AGO2: variants seen among roughly 807,000 people sequenced by gnomAD.
AGO2 encodes protein argonaute-2.
In AGO2, 5 loss-of-function variants were observed where a neutral mutation model predicts 102.3. The ratio of observed to expected loss-of-function variants is 0.05; its 90% CI spans 0.03 to 0.10. The LOEUF is 0.10. Among genes scored for constraint, AGO2 ranks in the 10% least tolerant of loss-of-function variants. The probability of loss-of-function intolerance (pLI) is 1.00; values close to 1 mark genes in which losing one functional copy is unlikely to be tolerated. For missense variants in AGO2, 541 were observed against 1,183.7 expected, an observed-to-expected ratio of 0.46 and a Z score of 7.97; for synonymous variants, 449 against 473.1, an observed-to-expected ratio of 0.95 and a Z score of 0.66.
Position 140,539,588 on chromosome 8 carries a change from G to T in AGO2, c.2035-134C>A. ...AGACAATGAGTGTGTTCACGGGGAGGTGAAAACACGGGGGCAGAAACCATC... is the reference window on the plus strand; with the variant it reads ...AGACAATGAGTGTGTTCACGGGGAGTTGAAAACACGGGGGCAGAAACCATC... On this transcript the variant is annotated intron_variant, in intron 15 of 18. Coordinates refer to ENST00000220592, the MANE Select transcript of AGO2 (RefSeq NM_012154.5). This position sits in a 1 kb window ranked among gnomAD's most constrained non-coding sequence, Gnocchi z 4.7. 9.4e-7 allele frequency: 1 copy of T among 1,066,286 alleles called. No individual in the cohort carries two copies. Among genetic ancestry groups the T allele is most frequent in the Non-Finnish European group, 1.3e-6 (1 of 748,900 alleles). The allele number at this position is 1,066,286 out of a possible 1,614,324, so 66.1% of individuals were successfully genotyped here.
intron 3 of AGO2, among the ~76,000 whole-genome samples, chr8:140,563,054 G>A (rs772064077): frequency 2.6e-5 from 4 of 152,104 alleles, no homozygotes; most frequent in East Asian, 1.9e-4. Flanking sequence ...CAGTTGAATC[G>A]CGATCTGGCC....
At position 140,522,162 on chromosome 8, in the gene AGO2, T is replaced by C. The variant is rs1473832720; in HGVS notation, c.*9882A>G. The C allele has an allele frequency of 6.6e-6, 1 of 152,142 alleles. No individual in the cohort carries two copies. The highest frequency in any genetic ancestry group is 1.5e-5 in the Non-Finnish European group (1 of 68,020). The allele number at this position is 152,142 out of a possible 1,614,324, so 9.4% of individuals were successfully genotyped here. On this transcript the variant is annotated 3_prime_UTR_variant, in exon 19 of 19. Coordinates refer to ENST00000220592, the MANE Select transcript of AGO2 (RefSeq NM_012154.5). ...TTCATACTGAATTTTTTCAATGCATTGGGGTTCAACATAAAAGGCACAAAT... is the reference window on the plus strand; with the variant it reads ...TTCATACTGAATTTTTTCAATGCATCGGGGTTCAACATAAAAGGCACAAAT...
intron 2 of AGO2, among the ~76,000 whole-genome samples, chr8:140,581,511 C>T (rs958116416): frequency 2.2e-4 from 34 of 152,090 alleles, no homozygotes; most frequent in African/African-American, 8.2e-4. Flanking sequence ...AGAGCAAGAT[C>T]CTGTCTCTAA....
intron 1 of AGO2, chr8:140,592,837 A>T (rs2073763481): frequency 6.6e-6 from 1 of 151,954 alleles, no homozygotes; most frequent in South Asian, 2.1e-4. Flanking sequence ...CATCAACATT[A>T]CTCCAGTACA....
intron 1 of AGO2, among the ~76,000 whole-genome samples, chr8:140,609,912 G>A (rs868220157): frequency 4.6e-5 from 7 of 151,234 alleles, no homozygotes; most frequent in Middle Eastern, 3.4e-3. Context: ...AGACTACATC[G>A]ACCAGGCATG....
At chr8:140,620,002 CAGA>C (rs921604976) in intron 1 of AGO2, among the ~76,000 whole-genome samples, 3 of 152,206 alleles carry the variant, frequency 2.0e-5, no homozygotes, top group African/African-American at 7.2e-5. Context: ...AATAAAATAA[CAGA>C]AGCTCAGGGA....
rs1588428140 is a variant in AGO2, at chr8:140,527,879, A to G, written c.*4165T>C. 2.0e-5 allele frequency: 3 copies of G among 152,178 alleles called. No homozygotes were observed. The highest frequency in any genetic ancestry group is 4.4e-5 in the Non-Finnish European group (3 of 68,038). The allele number at this position is 152,178 out of a possible 1,614,324, so 9.4% of individuals were successfully genotyped here. ...CTGCCTTATGTGTAGGAAAATGCCCATGAAAAATCCTTTTAACTGTCCAGC... is the reference window on the plus strand; with the variant it reads ...CTGCCTTATGTGTAGGAAAATGCCCGTGAAAAATCCTTTTAACTGTCCAGC... On this transcript the variant is annotated 3_prime_UTR_variant, in exon 19 of 19. Coordinates refer to ENST00000220592, the MANE Select transcript of AGO2 (RefSeq NM_012154.5). The surrounding 1 kb of genome is among the most constrained non-coding windows in gnomAD (Gnocchi z 6.0).
intron 1 of AGO2, among the ~76,000 whole-genome samples, chr8:140,617,262 C>CT (rs952858765): frequency 2.6e-5 from 4 of 152,106 alleles, no homozygotes; most frequent in East Asian, 1.9e-4. Context: ...AGAAGCACCA[C>CT]TCTTTTTTTT....
chr8:140,574,613 G>A (rs770283668), intron 2 of AGO2, among the ~76,000 whole-genome samples: 8 of 152,184 alleles, frequency 5.3e-5, no homozygotes, highest in East Asian at 3.9e-4. Flanking sequence ...GCCTGCCCTC[G>A]CACACTACGC....
Position 140,589,347 on chromosome 8 carries a change from A to G in AGO2, c.23-4036T>C, listed in dbSNP as rs1357983845. 6.6e-6 allele frequency among the ~76,000 whole-genome samples: 1 copy of G among 152,130 alleles called. No homozygotes were observed. Among genetic ancestry groups the G allele is most frequent in the Non-Finnish European group, 1.5e-5 (1 of 67,996 alleles). On this transcript the variant is annotated intron_variant, in intron 1 of 18. Transcript: ENST00000220592. The surrounding 1 kb of genome is among the most constrained non-coding windows in gnomAD (Gnocchi z 4.2). ...GCTCTTCCGTGAAGCCGCTTTGGCT[A>G]CCGGCGGGTGAACCACAGGCCCGGG...
intron 11 of AGO2, among the ~76,000 whole-genome samples, chr8:140,550,675 G>T (rs1167868642): frequency 6.6e-6 from 1 of 152,172 alleles, no homozygotes; most frequent in Non-Finnish European, 1.5e-5. Context: ...GGAGTGCAAT[G>T]GTGTGATCTA....
intron 10 of AGO2, among the ~76,000 whole-genome samples, chr8:140,552,208 T>C (rs1016297602): frequency 6.6e-6 from 1 of 152,220 alleles, no homozygotes; most frequent in African/African-American, 2.4e-5. Flanking sequence ...ACTGAGCCCA[T>C]AGCTTTTTCC....
At chr8:140,582,230 A>C (rs913180307) in intron 2 of AGO2, among the ~76,000 whole-genome samples, 2 of 152,226 alleles carry the variant, frequency 1.3e-5, no homozygotes, top group Non-Finnish European at 2.9e-5. Flanking sequence ...TAAAATGACC[A>C]AGAGTTCCTG....
intron 5 of AGO2, among the ~76,000 whole-genome samples, chr8:140,559,784 C>T (rs1360209121): frequency 1.3e-5 from 2 of 152,220 alleles, no homozygotes; most frequent in African/African-American, 2.4e-5. Context: ...ACTAAAGTCA[C>T]CCTCCGAGAA....
chr8:140,603,681 G>A (rs942642284), intron 1 of AGO2, among the ~76,000 whole-genome samples: 1 of 152,156 alleles, frequency 6.6e-6, no homozygotes, highest in Non-Finnish European at 1.5e-5. Context: ...AGGCTCATCC[G>A]CGCTGCAGCT....
At chr8:140,595,948 TTA>T (rs1491342174) in intron 1 of AGO2, among the ~76,000 whole-genome samples, 1 of 53,070 alleles carries the variant, frequency 1.9e-5, no homozygotes, top group Non-Finnish European at 4.0e-5. Flanking sequence ...AATATATATT[TTA>T]TATATAATAT....
chr8:140,541,271 C>T lies in AGO2; in HGVS notation c.1927G>A (p.Ala643Thr). The T allele has an allele frequency of 6.2e-7, 1 of 1,613,616 alleles. No individual in the cohort carries two copies. Among genetic ancestry groups the T allele is most frequent in the Non-Finnish European group, 8.5e-7 (1 of 1,179,900 alleles). ...ATGAGGAGCTCGCGGACCATGGCGG[C>T]CAGGTCTTGTATGATCTCCTGCCGG... ...QHRQEIIQDL[A>T]AMVRELLIQF... The change falls in exon 15 of 19, where the codon GCC becomes ACC. Residue 643 changes from alanine to threonine, a missense_variant. Ala to Thr is a moderately conservative substitution (Grantham distance 58). Transcript: ENST00000220592.
intron 11 of AGO2, among the ~76,000 whole-genome samples, chr8:140,550,076 G>A (rs1400419307): frequency 6.6e-6 from 1 of 152,166 alleles, no homozygotes; most frequent in Admixed American, 6.5e-5. Context: ...ACAAAAGAAG[G>A]GGCAGGAGGC....
At chr8:140,575,852 A>T (rs2073455789) in intron 2 of AGO2, among the ~76,000 whole-genome samples, 1 of 152,226 alleles carries the variant, frequency 6.6e-6, no homozygotes, top group South Asian at 2.1e-4. Context: ...TAAAAGCTAT[A>T]ACTGAGAAAT....
Sources: gnomAD v4.1 joint callset for allele counts (sites outside exome capture counted in the v4.1 genomes callset) on GRCh38, gnomAD v4.1.1 for gene constraint, Gnocchi (gnomAD v3.1) non-coding constraint, MANE v1.5 for transcripts, NCBI Gene and HGNC (gene_info 2026-07-23, HGNC 2026-07-21) for gene names.